Variants in RAB11FIP3 observed in about 807,000 individuals in gnomAD.
RAB11FIP3 encodes the protein RAB11 family interacting protein 3.
Under a neutral mutation model 77.8 loss-of-function variants are expected in RAB11FIP3, and 17 were observed. That is an observed-to-expected ratio of 0.22 (90% CI 0.15 to 0.33). The LOEUF is 0.33. Among genes scored for constraint, RAB11FIP3 ranks in the 10% least tolerant of loss-of-function variants. The pLI, the probability that RAB11FIP3 is intolerant of heterozygous loss-of-function variation, is 1.00. For synonymous variants in RAB11FIP3, 437 were observed against 448.2 expected, an observed-to-expected ratio of 0.98 and a Z score of 0.31; for missense variants, 1,005 against 1,011.2, an observed-to-expected ratio of 0.99 and a Z score of 0.08.
At position 520,873 on chromosome 16, in the gene RAB11FIP3, A is replaced by G; in HGVS notation, c.*34A>G. On this transcript the variant is annotated 3_prime_UTR_variant, in exon 14 of 14. Coordinates refer to ENST00000262305, the MANE Select transcript of RAB11FIP3 (RefSeq NM_014700.4). ...AGGTCCAGCCTGAGCTGGATTCGGG[A>G]CTCCAACACCCTGGAGTGGTTCCGT... 6.4e-7 allele frequency: 1 copy of G among 1,560,622 alleles called. No homozygotes were observed. Among genetic ancestry groups the G allele is most frequent in the Non-Finnish European group, 8.8e-7 (1 of 1,132,530 alleles).
At chr16:462,697 C>T (rs903940495) in intron 2 of RAB11FIP3, among the ~76,000 whole-genome samples, 1 of 131,494 alleles carries the variant, frequency 7.6e-6, no homozygotes, top group Non-Finnish European at 1.7e-5. Context: ...TTCCCCAGTC[C>T]CCCGGCACCG....
At chr16:483,561 G>A (rs1160363472) in intron 4 of RAB11FIP3, among the ~76,000 whole-genome samples, 4 of 152,138 alleles carry the variant, frequency 2.6e-5, no homozygotes, top group Non-Finnish European at 5.9e-5. Context: ...AAAGAAATCC[G>A]AGTATTTTAC....
At chr16:474,291 T>C (rs893843611) in intron 3 of RAB11FIP3, among the ~76,000 whole-genome samples, 4 of 152,316 alleles carry the variant, frequency 2.6e-5, no homozygotes, top group Admixed American at 2.6e-4. Context: ...TTCTCTTTAC[T>C]GGGAGCATCG....
intron 9 of RAB11FIP3, among the ~76,000 whole-genome samples, chr16:511,485 A>T (rs2032162605): frequency 8.4e-6 from 1 of 119,016 alleles, no homozygotes; most frequent in African/African-American, 3.5e-5. Context: ...TAGGTAGGAG[A>T]AGTTCCCCGA....
At position 426,225 on chromosome 16, in the gene RAB11FIP3, G is replaced by A. The variant is rs2054938710; in HGVS notation, c.219G>A (p.Gly73=). ...AADGGARWSA[G]PAPGLEGGPR... ...ATGGCGGGGCGCGTTGGAGCGCCGG[G>A]CCGGCCCCGGGGCTGGAGGGAGGCC... is the stretch of plus-strand genomic sequence containing the variant. Residue 73 remains glycine (G), a synonymous_variant, in exon 1 of 14, where the codon GGG becomes GGA. Transcript: ENST00000262305. This position sits in a 1 kb window ranked among gnomAD's most constrained non-coding sequence, Gnocchi z 5.0. 1.9e-6 allele frequency: 2 copies of A among 1,032,720 alleles called. No homozygotes were observed. The highest frequency in any genetic ancestry group is 2.3e-6 in the Non-Finnish European group (2 of 862,772). The allele number at this position is 1,032,720 out of a possible 1,614,324, so 64.0% of individuals were successfully genotyped here.
chr16:429,589 TC>T (rs1300375382), intron 1 of RAB11FIP3, among the ~76,000 whole-genome samples: 1 of 149,056 alleles, frequency 6.7e-6, no homozygotes, highest in Non-Finnish European at 1.5e-5. Flanking sequence ...AACCTCTGCC[TC>T]CCGGGTTCAA....
At chr16:492,151 C>T (rs1234478131) in intron 5 of RAB11FIP3, among the ~76,000 whole-genome samples, 2 of 152,216 alleles carry the variant, frequency 1.3e-5, no homozygotes, top group Non-Finnish European at 2.9e-5. Context: ...TGCCCACGGC[C>T]TTATTGAGGC....
At chr16:495,356 C>T (rs1042034447) in intron 5 of RAB11FIP3, among the ~76,000 whole-genome samples, 6 of 152,208 alleles carry the variant, frequency 3.9e-5, no homozygotes, top group African/African-American at 7.2e-5. Flanking sequence ...GGGACACCAC[C>T]GTGCTGTCAG....
intron 3 of RAB11FIP3, chr16:474,856 G>A (rs2055871280): frequency 6.2e-6 from 9 of 1,448,686 alleles, no homozygotes; most frequent in African/African-American, 4.3e-5. Flanking sequence ...GTTTATTAGA[G>A]CGTGTCTGGG....
At chr16:493,893 C>T (rs1396869335) in intron 5 of RAB11FIP3, among the ~76,000 whole-genome samples, 1 of 144,290 alleles carries the variant, frequency 6.9e-6, no homozygotes, top group Non-Finnish European at 1.5e-5. Context: ...ACCCAGCCTG[C>T]CTGGAGGTAT....
In RAB11FIP3 at chr16:439,187, G is replaced by A. The variant is rs180929259; in HGVS notation, c.714+12467G>A. 8.3e-4 allele frequency: 127 copies of A among 152,336 alleles called. 1 individual carries two copies. Among genetic ancestry groups the A allele is most frequent in the African/African-American group, 3.0e-3 (124 of 41,576 alleles). 9.4% of individuals were successfully genotyped at this position (152,336 alleles called of 1,614,324 possible). ...TTGAGACTAACAGGCTAGGAAAAAT[G>A]GATTCAGTGTCATGATTAGGGAGGA... is the stretch of plus-strand genomic sequence containing the variant. On this transcript the variant is annotated intron_variant, in intron 1 of 13. Coordinates refer to ENST00000262305, the MANE Select transcript of RAB11FIP3 (RefSeq NM_014700.4).
At chr16:496,761 G>A (rs937614912) in intron 5 of RAB11FIP3, 63 bp from the exon 6 acceptor site, 2 of 1,501,380 alleles carry the variant, frequency 1.3e-6, no homozygotes, top group Non-Finnish European at 9.3e-7. Context: ...TGAGTTTCCT[G>A]CTTCCTCCTG....
intron 1 of RAB11FIP3, among the ~76,000 whole-genome samples, chr16:441,939 C>T (rs1001230537): frequency 1.3e-5 from 2 of 152,186 alleles, no homozygotes; most frequent in Non-Finnish European, 2.9e-5. Flanking sequence ...CCCAGGTTCA[C>T]GCCATTCTCC....
chr16:446,666 A>G (rs967837396), intron 1 of RAB11FIP3, among the ~76,000 whole-genome samples: 1 of 151,860 alleles, frequency 6.6e-6, no homozygotes, highest in Non-Finnish European at 1.5e-5. Flanking sequence ...ACTTATTTCC[A>G]TATAGTCCTT....
chr16:445,614 C>T (rs954395947), intron 1 of RAB11FIP3, among the ~76,000 whole-genome samples: 2 of 152,142 alleles, frequency 1.3e-5, no homozygotes, highest in African/African-American at 4.8e-5. Context: ...CTGAGGCTGA[C>T]ACCCTCAGGC....
At chr16:475,421 G>A (rs1002118796) in intron 3 of RAB11FIP3, among the ~76,000 whole-genome samples, 1 of 152,208 alleles carries the variant, frequency 6.6e-6, no homozygotes, top group African/African-American at 2.4e-5. Context: ...TGGCTGGCTG[G>A]CAAATAAAAT....
intron 2 of RAB11FIP3, among the ~76,000 whole-genome samples, chr16:465,631 A>T (rs1443999023): frequency 1.3e-5 from 2 of 152,046 alleles, no homozygotes; most frequent in Middle Eastern, 3.2e-3. Context: ...TTCTTTTGAG[A>T]TGGAGTCTCG....
chr16:449,291 C>T (rs537255206), intron 1 of RAB11FIP3, among the ~76,000 whole-genome samples: 11 of 152,264 alleles, frequency 7.2e-5, no homozygotes, highest in African/African-American at 2.6e-4. Flanking sequence ...GACAGAGTGT[C>T]GGGCTCATTC....
intron 6 of RAB11FIP3, among the ~76,000 whole-genome samples, chr16:498,974 G>A (rs961742036): frequency 2.0e-5 from 3 of 152,148 alleles, no homozygotes; most frequent in African/African-American, 7.2e-5. Context: ...ACTTTGGGAG[G>A]CTGAGGTGGG....
Sources: allele counts gnomAD v4.1 joint callset (sites outside exome capture counted in the v4.1 genomes callset), GRCh38; gene constraint gnomAD v4.1.1; non-coding constraint Gnocchi (gnomAD v3.1); transcripts MANE v1.5; gene names NCBI Gene and HGNC (gene_info 2026-07-23, HGNC 2026-07-21).